The following ARMH3 variants were observed in gnomAD, a reference collection of about 807,000 sequenced individuals.
The protein encoded by ARMH3 is armadillo like helical domain containing 3, also known as armadillo-like helical domain-containing protein 3.
In ARMH3, 60 loss-of-function variants were observed where a neutral mutation model predicts 99.1. That is an observed-to-expected ratio of 0.61 (90% confidence interval 0.49 to 0.75). ARMH3 has a LOEUF of 0.75. Among genes scored for constraint, ARMH3 ranks in the 30% least tolerant of loss-of-function variants. The pLI is 0.00. For missense variants in ARMH3, 679 were observed against 843.1 expected, an observed-to-expected ratio of 0.81 and a Z score of 2.41; for synonymous variants, 285 against 292.8, an observed-to-expected ratio of 0.97 and a Z score of 0.27.
At chr10:102,027,947 T>C (rs1039677186) in intron 5 of ARMH3, among the ~76,000 whole-genome samples, 1 of 151,500 alleles carries the variant, frequency 6.6e-6, no homozygotes, top group Non-Finnish European at 1.5e-5. Flanking sequence ...GCAAATCATA[T>C]ATCTGATAAG....
chr10:102,003,908 T>G (rs2066425301), intron 14 of ARMH3, among the ~76,000 whole-genome samples: 1 of 152,218 alleles, frequency 6.6e-6, no homozygotes, highest in Non-Finnish European at 1.5e-5. Flanking sequence ...TTAATTCATG[T>G]TATGGGTTAA....
intron 22 of ARMH3, among the ~76,000 whole-genome samples, chr10:101,941,530 T>C (rs1832888400): frequency 6.6e-6 from 1 of 152,230 alleles, no homozygotes; most frequent in Admixed American, 6.5e-5. Flanking sequence ...AGGGAGGGCC[T>C]GTGGCTGTGA....
intron 1 of ARMH3, among the ~76,000 whole-genome samples, chr10:102,045,622 A>G (rs748567618): frequency 1.3e-5 from 2 of 152,200 alleles, no homozygotes; most frequent in Non-Finnish European, 2.9e-5. Flanking sequence ...ATGTTTTTGT[A>G]AAGTTTATTA....
At chr10:101,968,907 T>C (rs953669333) in intron 20 of ARMH3, among the ~76,000 whole-genome samples, 3 of 152,184 alleles carry the variant, frequency 2.0e-5, no homozygotes, top group African/African-American at 7.2e-5. Flanking sequence ...GCCCCTGAAT[T>C]AGAACATTCT....
At chr10:102,045,929 T>G (rs2136273627) in intron 1 of ARMH3, among the ~76,000 whole-genome samples, 1 of 152,108 alleles carries the variant, frequency 6.6e-6, no homozygotes, top group East Asian at 1.9e-4. Flanking sequence ...ACCCCATCTC[T>G]ACTAAAAATA....
chr10:101,903,590 G>A (rs2068029699), intron 23 of ARMH3, among the ~76,000 whole-genome samples: 1 of 152,186 alleles, frequency 6.6e-6, no homozygotes, highest in African/African-American at 2.4e-5. Flanking sequence ...TTATAATTAG[G>A]CAAGGAAAGG....
At chr10:101,847,836 C>T (rs2066498194) in intron 25 of ARMH3, among the ~76,000 whole-genome samples, 1 of 152,194 alleles carries the variant, frequency 6.6e-6, no homozygotes, top group Admixed American at 6.5e-5. Flanking sequence ...CAGGAACAAA[C>T]TCTGGAGGAT....
chr10:101,990,683 A>G, intron 18 of ARMH3, 72 bp from the exon 19 acceptor site: 1 of 1,238,792 alleles, frequency 8.1e-7, no homozygotes, highest in Non-Finnish European at 1.2e-6. Flanking sequence ...TTGGAAAAAA[A>G]GCTTCTGAGT....
rs1427309690 is a variant in ARMH3 at position 101,957,714 on chromosome 10, T to G, written c.1514A>C (p.Lys505Thr). The G allele has an allele frequency of 6.3e-7, 1 of 1,582,386 alleles. No individual in the cohort carries two copies. Among genetic ancestry groups the G allele is most frequent in the Non-Finnish European group, 8.5e-7 (1 of 1,170,776 alleles). The change falls in exon 21 of 26, where the codon AAG (lysine) becomes ACG (threonine). Residue 505 changes from lysine to threonine, a missense_variant. Lys to Thr is a moderately conservative substitution (Grantham distance 78). Coordinates refer to ENST00000370033, the MANE Select transcript of ARMH3 (RefSeq NM_024541.3). ...ELWSALINLL[K>T]FLMSNETVLL... ...TACAGTCTCATTTGACATAAGGAAC[T>G]TCAGCAAATTTATCAAGGCTTTAAA...
At position 101,881,573 on chromosome 10, in the gene ARMH3, T is replaced by A. The variant is rs182125123; in HGVS notation, c.1860+7839A>T. Among the ~76,000 whole-genome samples the A allele has an allele frequency of 2.8e-3, 429 of 151,846 alleles. 2 individuals carry two copies. The highest frequency in any genetic ancestry group is 9.0e-3 in the South Asian group (43 of 4,800). On this transcript the variant is annotated intron_variant, in intron 24 of 25. Coordinates refer to ENST00000370033, the MANE Select transcript of ARMH3 (RefSeq NM_024541.3). ...GTGGGGTTTTTTTTAACTGCAATTT[T>A]AAAAAAAAGATTTACCCAATAGGCC...
At chr10:102,044,154 C>T (rs2067489503) in intron 1 of ARMH3, among the ~76,000 whole-genome samples, 2 of 146,088 alleles carry the variant, frequency 1.4e-5, no homozygotes, top group African/African-American at 5.1e-5. Flanking sequence ...AGTGCAGCAG[C>T]GCCATCTCAG....
At chr10:102,020,164 T>G (rs1481081246) in intron 8 of ARMH3, among the ~76,000 whole-genome samples, 4 of 152,102 alleles carry the variant, frequency 2.6e-5, no homozygotes, top group Admixed American at 2.6e-4. Context: ...AGTAAAACAG[T>G]TACAGTAAGT....
chr10:101,878,919 A>C (rs1334357303), intron 24 of ARMH3, among the ~76,000 whole-genome samples: 3 of 152,118 alleles, frequency 2.0e-5, no homozygotes, highest in Admixed American at 6.5e-5. Context: ...GAGACACTTG[A>C]TTGGAATAAA....
intron 1 of ARMH3, among the ~76,000 whole-genome samples, chr10:102,053,579 C>T (rs1210337108): frequency 6.6e-6 from 1 of 152,066 alleles, no homozygotes; most frequent in Non-Finnish European, 1.5e-5. Flanking sequence ...CATCCTTCAA[C>T]ACCCAACTCA....
At chr10:101,864,983 G>A (rs1434882705) in intron 24 of ARMH3, among the ~76,000 whole-genome samples, 4 of 151,614 alleles carry the variant, frequency 2.6e-5, no homozygotes, top group Admixed American at 6.6e-5. Context: ...TTGGGAGGCC[G>A]AGGCGGGCAG....
At chr10:101,849,666 G>A in intron 25 of ARMH3, 110 bp downstream of exon 25, 2 of 860,262 alleles carry the variant, frequency 2.3e-6, no homozygotes, top group Non-Finnish European at 3.7e-6. Flanking sequence ...CCCCATCCCA[G>A]CAGACCCCTC....
chr10:101,979,865 C>G (rs1846154203), intron 19 of ARMH3, among the ~76,000 whole-genome samples: 1 of 152,190 alleles, frequency 6.6e-6, no homozygotes, highest in African/African-American at 2.4e-5. Flanking sequence ...TTTAAATTCA[C>G]AAATTCAACA....
chr10:101,847,519 G>A lies in ARMH3; in HGVS notation c.*9C>T. 1 of 1,613,188 alleles carries A rather than the reference G, an allele frequency of 6.2e-7. No individual in the cohort carries two copies. The highest frequency in any genetic ancestry group is 2.2e-5 in the East Asian group (1 of 44,874). The stretch of plus-strand genomic sequence containing the variant: ...AGGGCAGTCAGAGGCTGCTCAGGTA[G>A]GCGTGGCCTCAGGAGATAGTGGAGA... On this transcript the variant is annotated 3_prime_UTR_variant, in exon 26 of 26. Coordinates refer to ENST00000370033, the MANE Select transcript of ARMH3 (RefSeq NM_024541.3).
At chr10:102,040,889 A>G (rs569554048) in intron 1 of ARMH3, among the ~76,000 whole-genome samples, 1 of 152,108 alleles carries the variant, frequency 6.6e-6, no homozygotes, top group South Asian at 2.1e-4. Flanking sequence ...CCCCAAAGTA[A>G]GTAGGTCCTC....
Sources: gnomAD v4.1 joint callset for allele counts (sites outside exome capture counted in the v4.1 genomes callset) on GRCh38, gnomAD v4.1.1 for gene constraint, MANE v1.5 for transcripts, NCBI Gene and HGNC (gene_info 2026-07-23, HGNC 2026-07-21) for gene names.